FIGN: variants seen among roughly 807,000 people sequenced by gnomAD.
The protein encoded by FIGN is fidgetin, microtubule severing factor, also known as fidgetin.
Under a neutral mutation model 51.3 loss-of-function variants are expected in FIGN, and 11 were observed. The observed-to-expected ratio is 0.21, with a 90% CI of 0.13 to 0.35. The LOEUF (loss-of-function observed/expected upper bound fraction) is 0.35. Among genes scored for constraint, FIGN ranks in the 10% least tolerant of loss-of-function variants. The pLI is 1.00. For missense variants in FIGN, 857 were observed against 943.6 expected, an observed-to-expected ratio of 0.91 and a Z score of 1.20; for synonymous variants, 407 against 363.2, an observed-to-expected ratio of 1.12 and a Z score of -1.37.
At position 163,610,545 on chromosome 2, in the gene FIGN, C is replaced by G; in HGVS notation, c.1287G>C (p.Glu429Asp). The G allele has an allele frequency of 6.2e-7, 1 of 1,614,206 alleles. No individual in the cohort carries two copies. Among genetic ancestry groups the G allele is most frequent in the East Asian group, 2.2e-5 (1 of 44,876 alleles). Residue 429 changes from glutamate to aspartate, a missense_variant, in exon 3 of 3, where the codon GAG (glutamate) becomes GAC (aspartate). Glu to Asp is a conservative substitution (Grantham distance 45). Coordinates refer to ENST00000333129, the MANE Select transcript of FIGN (RefSeq NM_018086.4). ...FGKYTSPVMSEHGDEHRQLLS... is the reference protein window; with the variant it reads ...FGKYTSPVMSDHGDEHRQLLS... ...GGAGCTGCCTGTGCTCGTCCCCATG[C>G]TCACTCATTACTGGCGATGTGTACT...
intron 2 of FIGN, among the ~76,000 whole-genome samples, chr2:163,620,606 T>C (rs1369754248): frequency 6.6e-6 from 1 of 152,144 alleles, no homozygotes; most frequent in Admixed American, 6.6e-5. Context: ...TTTCTGAGTG[T>C]TTTGAATCTT....
intron 2 of FIGN, among the ~76,000 whole-genome samples, chr2:163,640,365 T>C (rs1275760596): frequency 2.0e-5 from 3 of 152,162 alleles, no homozygotes; most frequent in Non-Finnish European, 4.4e-5. Context: ...TGGTTATTTA[T>C]ATCATAATTT....
At chr2:163,619,695 A>G (rs771402494) in intron 2 of FIGN, among the ~76,000 whole-genome samples, 1 of 152,194 alleles carries the variant, frequency 6.6e-6, no homozygotes, top group Non-Finnish European at 1.5e-5. Context: ...CAGTGATGAA[A>G]GAAATATCAT....
chr2:163,664,970 C>G (rs1382669680), intron 2 of FIGN, among the ~76,000 whole-genome samples: 1 of 151,674 alleles, frequency 6.6e-6, no homozygotes, highest in African/African-American at 2.4e-5. Flanking sequence ...GAAACTGTTT[C>G]CCCAATGGGC....
intron 2 of FIGN, among the ~76,000 whole-genome samples, chr2:163,662,787 G>A (rs1333710562): frequency 1.3e-5 from 2 of 152,214 alleles, no homozygotes; most frequent in Non-Finnish European, 2.9e-5. Context: ...AATCGGGGGA[G>A]GTAACTGAAT....
At chr2:163,640,935 A>G (rs1683296362) in intron 2 of FIGN, among the ~76,000 whole-genome samples, 1 of 152,218 alleles carries the variant, frequency 6.6e-6, no homozygotes, top group African/African-American at 2.4e-5. Flanking sequence ...GTCCCTTAAC[A>G]GACTGCTTGG....
rs184565095 is a variant in FIGN, at chr2:163,608,628, A to C, written c.*924T>G. 8.5e-5 allele frequency: 13 copies of C among 152,396 alleles called. No homozygotes were observed. In the East Asian group the frequency reaches 1.9e-3, roughly 23 times the overall value. The allele number at this position is 152,396 out of a possible 1,614,324, so 9.4% of individuals were successfully genotyped here. On this transcript the variant is annotated 3_prime_UTR_variant, in exon 3 of 3. Transcript: ENST00000333129. ...CTTAATTATCAAGGAGCAATGTACT[A>C]AGAACTCTTGCAGTTATTGACATAA... is the stretch of plus-strand genomic sequence containing the variant.
At chr2:163,628,306 C>T (rs1432192601) in intron 2 of FIGN, among the ~76,000 whole-genome samples, 1 of 152,066 alleles carries the variant, frequency 6.6e-6, no homozygotes, top group Non-Finnish European at 1.5e-5. Flanking sequence ...AGAACTTCCT[C>T]ATTTAGAATA....
chr2:163,683,331 A>G (rs569102178), intron 2 of FIGN, among the ~76,000 whole-genome samples: 5 of 152,334 alleles, frequency 3.3e-5, no homozygotes, highest in African/African-American at 1.2e-4. Context: ...CTAAAACAGT[A>G]TAGGTTCTTA....
intron 2 of FIGN, among the ~76,000 whole-genome samples, chr2:163,713,172 T>C (rs1478827345): frequency 6.6e-6 from 1 of 152,186 alleles, no homozygotes; most frequent in Non-Finnish European, 1.5e-5. Flanking sequence ...TACACCAATT[T>C]TGCAAATCTC....
chr2:163,666,823 G>A (rs934776539), intron 2 of FIGN, among the ~76,000 whole-genome samples: 11 of 151,644 alleles, frequency 7.3e-5, no homozygotes, highest in South Asian at 4.2e-4. Flanking sequence ...TGACTTTGGG[G>A]TTTGAACATA....
At chr2:163,697,395 C>A (rs1367720293) in intron 2 of FIGN, among the ~76,000 whole-genome samples, 1 of 152,124 alleles carries the variant, frequency 6.6e-6, no homozygotes, top group Non-Finnish European at 1.5e-5. Context: ...GCCACCACAC[C>A]CAGCCTCTGT....
At chr2:163,641,637 T>C (rs1683307511) in intron 2 of FIGN, among the ~76,000 whole-genome samples, 1 of 152,218 alleles carries the variant, frequency 6.6e-6, no homozygotes, top group African/African-American at 2.4e-5. Context: ...AAGATACTCC[T>C]TCAGAGGCAA....
At chr2:163,666,669 C>G (rs1026613177) in intron 2 of FIGN, among the ~76,000 whole-genome samples, 1 of 151,822 alleles carries the variant, frequency 6.6e-6, no homozygotes, top group Admixed American at 6.6e-5. Flanking sequence ...GGTTAATGAC[C>G]CAGTGGAACC....
intron 2 of FIGN, among the ~76,000 whole-genome samples, chr2:163,686,829 T>C (rs1684158851): frequency 6.6e-6 from 1 of 150,544 alleles, no homozygotes; most frequent in African/African-American, 2.4e-5. Flanking sequence ...TGATAAGTGT[T>C]GCCAAAATTA....
intron 2 of FIGN, among the ~76,000 whole-genome samples, chr2:163,696,128 C>A (rs1279191462): frequency 3.3e-5 from 5 of 150,826 alleles, no homozygotes; most frequent in Non-Finnish European, 4.4e-5. Flanking sequence ...CAAAACAAAA[C>A]AAAAAAAACA....
chr2:163,714,179 CA>C (rs1161151501), intron 2 of FIGN, among the ~76,000 whole-genome samples: 4 of 152,136 alleles, frequency 2.6e-5, no homozygotes, highest in African/African-American at 9.7e-5. Context: ...TTTTACAAAG[CA>C]AAAGAACTGA....
chr2:163,708,767 C>A (rs1404772061), intron 2 of FIGN, among the ~76,000 whole-genome samples: 1 of 152,012 alleles, frequency 6.6e-6, no homozygotes, highest in Non-Finnish European at 1.5e-5. Context: ...AAGGCAAAAT[C>A]TGTAAGGGGA....
chr2:163,671,707 T>C (rs1445865911), intron 2 of FIGN, among the ~76,000 whole-genome samples: 2 of 152,188 alleles, frequency 1.3e-5, no homozygotes, highest in Admixed American at 6.5e-5. Flanking sequence ...AGAGGATTTT[T>C]ACTATAAGCC....
Sources: allele counts gnomAD v4.1 joint callset (sites outside exome capture counted in the v4.1 genomes callset), GRCh38; gene constraint gnomAD v4.1.1; transcripts MANE v1.5; gene names NCBI Gene and HGNC (gene_info 2026-07-23, HGNC 2026-07-21).